LAYN: variants seen among roughly 807,000 people sequenced by gnomAD.
LAYN encodes the protein layilin.
A neutral mutation model predicts 43.6 loss-of-function variants in LAYN; 38 were observed. The observed-to-expected ratio is 0.87, with a 90% CI of 0.67 to 1.14. LAYN has a LOEUF of 1.14. Among genes scored for constraint, LAYN ranks in the 50% most tolerant of loss-of-function variants. LAYN has a pLI of 0.00. For missense variants in LAYN, 479 were observed against 463.8 expected (o/e 1.03, Z -0.30); for synonymous variants, 168 against 172.9 (o/e 0.97, Z 0.22).
Position 111,560,790 on chromosome 11 carries a change from G to A in LAYN, c.*332G>A, listed in dbSNP as rs1351462379. 1 of 261,848 alleles carries A rather than the reference G, an allele frequency of 3.8e-6. No homozygotes were observed. Among genetic ancestry groups the A allele is most frequent in the Non-Finnish European group, 7.3e-6 (1 of 137,074 alleles). 16.2% of individuals were successfully genotyped at this position (261,848 alleles called of 1,614,324 possible). On this transcript the variant is annotated 3_prime_UTR_variant, in exon 7 of 7. Coordinates refer to ENST00000375614, the MANE Select transcript of LAYN (RefSeq NM_178834.5). ...TGATAAAGATGGGCTGTGGAGCTTG[G>A]AAAACCACCTCTGTTTTCCTTGCTC...
chr11:111,554,496 T>C, intron 3 of LAYN, 65 bp from the exon 4 acceptor site: 2 of 1,251,192 alleles, frequency 1.6e-6, no homozygotes, highest in East Asian at 2.3e-5. Context: ...GAGGCTGTGG[T>C]TGATTTCATT....
Position 111,544,236 on chromosome 11 carries a change from C to T in LAYN, c.383+16C>T. On this transcript the variant is annotated intron_variant, in intron 2 of 6. Coordinates refer to ENST00000375614, the MANE Select transcript of LAYN (RefSeq NM_178834.5). Reference sequence around the variant, plus strand: ...CACAATTTAGGTAAGTGTGTGGAACCCACAGCTGCTGACTCACTTGACATA... The same window carrying T: ...CACAATTTAGGTAAGTGTGTGGAACTCACAGCTGCTGACTCACTTGACATA... 1 of 1,599,490 alleles carries T rather than the reference C, an allele frequency of 6.3e-7. No individual in the cohort carries two copies. The highest frequency in any genetic ancestry group is 8.5e-7 in the Non-Finnish European group (1 of 1,172,536).
At chr11:111,547,752 G>T (rs1241693206) in intron 2 of LAYN, among the ~76,000 whole-genome samples, 6 of 152,176 alleles carry the variant, frequency 3.9e-5, no homozygotes, top group Non-Finnish European at 7.3e-5. Flanking sequence ...ATGCAATGGG[G>T]AACACCACTC....
chr11:111,552,566 C>T (rs990349464), intron 3 of LAYN, among the ~76,000 whole-genome samples: 10 of 152,178 alleles, frequency 6.6e-5, no homozygotes, highest in African/African-American at 2.2e-4. Context: ...CTGGGGTGTG[C>T]TAAAGGCACA....
intron 5 of LAYN, among the ~76,000 whole-genome samples, chr11:111,555,983 C>T (rs1383575906): frequency 6.6e-6 from 1 of 152,168 alleles, no homozygotes; most frequent in Non-Finnish European, 1.5e-5. Flanking sequence ...GCACACACTC[C>T]AGCTCATGAG....
intron 2 of LAYN, among the ~76,000 whole-genome samples, chr11:111,548,780 C>G (rs79487903): frequency 6.6e-6 from 1 of 152,178 alleles, no homozygotes; most frequent in Non-Finnish European, 1.5e-5. Context: ...GGAAACAGCT[C>G]AGGCAACTAA....
chr11:111,545,759 C>T (rs1314447664), intron 2 of LAYN, among the ~76,000 whole-genome samples: 1 of 152,208 alleles, frequency 6.6e-6, no homozygotes, highest in Non-Finnish European at 1.5e-5. Flanking sequence ...TCACTGCCAG[C>T]GATTCTAAAA....
At chr11:111,553,892 G>T (rs1219882546) in intron 3 of LAYN, among the ~76,000 whole-genome samples, 2 of 152,038 alleles carry the variant, frequency 1.3e-5, no homozygotes, top group Non-Finnish European at 2.9e-5. Context: ...GCATCTGATT[G>T]GCATAAGAGA....
At chr11:111,560,001 C>T (rs757788695) in intron 6 of LAYN, 94 bp from the exon 7 acceptor site, 2 of 1,442,660 alleles carry the variant, frequency 1.4e-6, no homozygotes, top group Non-Finnish European at 1.9e-6. Context: ...TGGGTGACTG[C>T]CCAGGGCTGC....
Position 111,540,756 on chromosome 11 carries a change from CGGTTGCAGTT to C in LAYN, c.-86_-77del. ...CGGTGGCCTAGAGATGCTGCTGCCG[CGGTTGCAGTT>C]GTCGCGCACGCCTCTGCCCGCCAGC... On this transcript the variant is annotated 5_prime_UTR_variant, in exon 1 of 7. Transcript: ENST00000375614. 7.7e-7 allele frequency: 1 copy of C among 1,292,492 alleles called. No individual in the cohort carries two copies. Among genetic ancestry groups the C allele is most frequent in the Non-Finnish European group, 1.0e-6 (1 of 963,928 alleles). 80.1% of individuals were successfully genotyped at this position (1,292,492 alleles called of 1,614,324 possible).
intron 2 of LAYN, among the ~76,000 whole-genome samples, chr11:111,549,118 G>A (rs1186652684): frequency 1.3e-5 from 2 of 152,168 alleles, no homozygotes; most frequent in African/African-American, 4.8e-5. Flanking sequence ...CAGCCTCTAT[G>A]TTTGGAATGT....
intron 2 of LAYN, among the ~76,000 whole-genome samples, chr11:111,545,191 G>A (rs958014903): frequency 6.6e-6 from 1 of 152,050 alleles, no homozygotes; most frequent in Non-Finnish European, 1.5e-5. Flanking sequence ...GGATTCTCAT[G>A]AGCCTGTCTT....
At chr11:111,554,380 C>T (rs682239) in intron 3 of LAYN, among the ~76,000 whole-genome samples, 181 bp from the exon 4 acceptor site, 83,663 of 151,982 alleles carry the variant, frequency 0.55, 25,027 homozygotes, top group East Asian at 0.96. Flanking sequence ...GAAGGTTAGT[C>T]TTTGTGCAAA....
intron 2 of LAYN, among the ~76,000 whole-genome samples, chr11:111,547,943 G>A (rs1198387935): frequency 1.3e-5 from 2 of 152,112 alleles, no homozygotes; most frequent in Admixed American, 6.5e-5. Flanking sequence ...AAGAGACGAC[G>A]CAGCTCAACC....
At chr11:111,552,100 G>A (rs1867754581) in intron 3 of LAYN, among the ~76,000 whole-genome samples, 1 of 152,074 alleles carries the variant, frequency 6.6e-6, no homozygotes, top group Non-Finnish European at 1.5e-5. Flanking sequence ...AAGAAAGAGG[G>A]AGAATAATTA....
chr11:111,560,355 T>C lies in LAYN; in HGVS notation c.1022T>C (p.Val341Ala), dbSNP rs1178285254. The C allele has an allele frequency of 2.5e-6, 4 of 1,614,106 alleles. No homozygotes were observed. The Admixed American group carries it at 6.7e-5, about 27-fold the overall frequency. ...AGTGGGTTTGTGACTCTGGTGAGCG[T>C]GGAGAGTGGATTTGTGACCAATGAC... ...SESGFVTLVS[V>A]ESGFVTNDIY... The change falls in exon 7 of 7, where the codon GTG (valine) becomes GCG (alanine). Residue 341 changes from valine to alanine, a missense_variant. Transcript: ENST00000375614.
chr11:111,555,383 C>G, intron 5 of LAYN, 93 bp downstream of exon 5: 1 of 876,672 alleles, frequency 1.1e-6, no homozygotes, highest in Non-Finnish European at 1.8e-6. Context: ...TTCTTTCCCA[C>G]AGCTACCTAA....
chr11:111,553,596 G>A (rs1276825896), intron 3 of LAYN, among the ~76,000 whole-genome samples: 1 of 149,030 alleles, frequency 6.7e-6, no homozygotes, highest in Non-Finnish European at 1.5e-5. Context: ...TCCAGCCTGG[G>A]TGACAGAGCA....
At chr11:111,551,068 C>T (rs1336611579) in intron 3 of LAYN, among the ~76,000 whole-genome samples, 1 of 152,060 alleles carries the variant, frequency 6.6e-6, no homozygotes, top group East Asian at 1.9e-4. Context: ...AGGCCAAGAG[C>T]AAGAGATGGT....
Sources: allele counts gnomAD v4.1 joint callset (sites outside exome capture counted in the v4.1 genomes callset), GRCh38; gene constraint gnomAD v4.1.1; transcripts MANE v1.5; gene names NCBI Gene and HGNC (gene_info 2026-07-23, HGNC 2026-07-21).